The following CCDC73 variants were observed in gnomAD, a reference collection of about 807,000 sequenced individuals.
CCDC73 encodes the protein coiled-coil domain-containing protein 73.
CCDC73 carries 95 observed loss-of-function variants against 116.5 expected under a neutral mutation model. The observed-to-expected ratio is 0.82, with a 90% CI of 0.69 to 0.97. The LOEUF is 0.97. Among genes scored for constraint, CCDC73 ranks in the 50% least tolerant of loss-of-function variants. The pLI, the probability that CCDC73 is intolerant of heterozygous loss-of-function variation, is 0.00. For missense variants in CCDC73, 1,066 were observed against 1,206.8 expected, an observed-to-expected ratio of 0.88 and a Z score of 1.73; for synonymous variants, 398 against 401.3, an observed-to-expected ratio of 0.99 and a Z score of 0.10.
At chr11:32,794,682 G>A (rs1004590419), upstream of CCDC73, 4 of 152,220 alleles carry the variant, frequency 2.6e-5, no homozygotes, top group Non-Finnish European at 5.9e-5. Flanking sequence ...GGGCACTTCC[G>A]GCTTGAAGGT....
the CCDC73 span, among the ~76,000 whole-genome samples, chr11:32,820,221 A>G: frequency 3.0e-4 from 45 of 151,998 alleles, no homozygotes; most frequent in Admixed American, 2.6e-3. Flanking sequence ...GGCGTGTGCA[A>G]TCACTCACTG....
At chr11:32,694,751 G>A (rs1175631202) in intron 6 of CCDC73, among the ~76,000 whole-genome samples, 1 of 152,102 alleles carries the variant, frequency 6.6e-6, no homozygotes, top group African/African-American at 2.4e-5. Flanking sequence ...GGAAAAAAAT[G>A]TAGTATTTTT....
At chr11:32,691,034 C>G (rs965814896) in intron 6 of CCDC73, among the ~76,000 whole-genome samples, 1 of 151,464 alleles carries the variant, frequency 6.6e-6, no homozygotes, top group African/African-American at 2.4e-5. Context: ...CCTCCTTCAA[C>G]CCCTGGCAAC....
intron 1 of CCDC73, among the ~76,000 whole-genome samples, chr11:32,773,955 T>C (rs1370622582): frequency 6.6e-6 from 1 of 152,142 alleles, no homozygotes; most frequent in African/African-American, 2.4e-5. Context: ...CTCCATTTTC[T>C]TGTCCTGAAG....
intron 1 of CCDC73, among the ~76,000 whole-genome samples, chr11:32,780,510 GA>G (rs1401310691): frequency 1.3e-5 from 2 of 151,502 alleles, no homozygotes; most frequent in African/African-American, 2.4e-5. Flanking sequence ...CTATTCAAAA[GA>G]AAAAAATCCT....
intron 7 of CCDC73, chr11:32,680,965 C>T (rs1242794922): frequency 6.6e-6 from 1 of 151,836 alleles, no homozygotes; most frequent in Non-Finnish European, 1.5e-5. Context: ...TAAAGTCATG[C>T]TGCTAATATA....
At chr11:32,776,383 G>A (rs186505011) in intron 1 of CCDC73, among the ~76,000 whole-genome samples, 8 of 152,020 alleles carry the variant, frequency 5.3e-5, no homozygotes, top group Admixed American at 5.2e-4. Flanking sequence ...TACAAATCAA[G>A]CCCAAATTCC....
chr11:32,707,443 A>G (rs1565081222), intron 3 of CCDC73, among the ~76,000 whole-genome samples: 1 of 150,840 alleles, frequency 6.6e-6, no homozygotes. Flanking sequence ...GTCCCTTTAG[A>G]TCAAGATAGT....
At chr11:32,777,759 T>C (rs568793687) in intron 1 of CCDC73, among the ~76,000 whole-genome samples, 2 of 152,280 alleles carry the variant, frequency 1.3e-5, no homozygotes, top group African/African-American at 4.8e-5. Context: ...TTCCAACATA[T>C]TACAAAAGAG....
intron 6 of CCDC73, among the ~76,000 whole-genome samples, chr11:32,689,416 G>T (rs994704807): frequency 3.7e-4 from 57 of 152,106 alleles, no homozygotes; most frequent in Admixed American, 3.9e-4. Context: ...CATTAAAAAG[G>T]AAGATTTACA....
At position 32,613,757 on chromosome 11, in the gene CCDC73, G is replaced by C. The variant is rs748151934; in HGVS notation, c.2561C>G (p.Ser854Ter). 9.3e-6 allele frequency: 15 copies of C among 1,613,870 alleles called. No homozygotes were observed. Among genetic ancestry groups the C allele is most frequent in the Non-Finnish European group, 1.3e-5 (15 of 1,179,904 alleles). ...CTGTCCTTCACTGAACATTTTTCCT[G>C]AAACAATGTCATTTAATGATTCTGT... ...EKTESLNDIV[S>*]GKMFSEGQLE... is the part of the protein sequence containing the mutation. Residue 854 changes from serine (S) to a stop codon, truncating the protein, a stop_gained, in exon 16 of 18, where the codon TCA becomes TGA. Coordinates refer to ENST00000335185, the MANE Select transcript of CCDC73 (RefSeq NM_001008391.4). LOFTEE classifies it high-confidence loss of function.
At chr11:32,794,902 T>C (rs1302230948), upstream of CCDC73, among the ~76,000 whole-genome samples, 1 of 151,604 alleles carries the variant, frequency 6.6e-6, no homozygotes, top group African/African-American at 2.4e-5. Context: ...TCTCGCTCTG[T>C]CGCCCAGGCT....
intron 2 of CCDC73, among the ~76,000 whole-genome samples, chr11:32,738,758 C>G (rs112837370): frequency 0.028 from 4,275 of 152,184 alleles, 182 homozygotes; most frequent in African/African-American, 0.095. Flanking sequence ...GGGTATTACT[C>G]AAGAAATCTC....
intron 3 of CCDC73, among the ~76,000 whole-genome samples, chr11:32,704,036 T>A (rs1382026827): frequency 6.6e-6 from 1 of 152,244 alleles, no homozygotes; most frequent in East Asian, 1.9e-4. Context: ...ACTGTGAGGA[T>A]GCCAGCTGCA....
At chr11:32,759,084 A>C (rs1006780250) in intron 2 of CCDC73, among the ~76,000 whole-genome samples, 1 of 151,902 alleles carries the variant, frequency 6.6e-6, no homozygotes, top group Non-Finnish European at 1.5e-5. Context: ...AAAGTCAGTA[A>C]ATTCTATTGA....
chr11:32,750,970 ACTAC>A (rs1211085658), intron 2 of CCDC73, among the ~76,000 whole-genome samples: 1 of 152,182 alleles, frequency 6.6e-6, no homozygotes, highest in East Asian at 1.9e-4. Flanking sequence ...CACAGCATGT[ACTAC>A]CTGGTTATTG....
At chr11:32,827,670 T>C in the CCDC73 span, among the ~76,000 whole-genome samples, 1 of 152,198 alleles carries the variant, frequency 6.6e-6, no homozygotes, top group Non-Finnish European at 1.5e-5. Context: ...TGAAAATGTA[T>C]TCAGCACGAA....
the CCDC73 span, chr11:32,830,166 G>A: frequency 4.0e-5 from 41 of 1,028,298 alleles, no homozygotes; most frequent in Non-Finnish European, 4.7e-5. Context: ...ATGTGCGGGG[G>A]GACACAGGTA....
intron 12 of CCDC73, among the ~76,000 whole-genome samples, chr11:32,642,994 A>T (rs544247646): frequency 8.6e-5 from 13 of 151,698 alleles, no homozygotes; most frequent in African/African-American, 1.9e-4. Flanking sequence ...ATATATATAT[A>T]TTTTTAAATA....
Sources: allele counts gnomAD v4.1 joint callset (sites outside exome capture counted in the v4.1 genomes callset), GRCh38; gene constraint gnomAD v4.1.1; transcripts MANE v1.5; gene names NCBI Gene and HGNC (gene_info 2026-07-23, HGNC 2026-07-21).